CTNNA2: variants seen among roughly 807,000 people sequenced by gnomAD.
The protein encoded by CTNNA2 is catenin alpha 2.
Under a neutral mutation model 101.0 loss-of-function variants are expected in CTNNA2, and 42 were observed. That is an observed-to-expected ratio of 0.42 (90% confidence interval 0.32 to 0.54). The LOEUF is 0.54. CTNNA2 is among the 20% of genes least tolerant of loss of function. CTNNA2 has a pLI of 0.14. For synonymous variants in CTNNA2, 450 were observed against 456.4 expected, an observed-to-expected ratio of 0.99 and a Z score of 0.18; for missense variants, 871 against 1,223.1, an observed-to-expected ratio of 0.71 and a Z score of 4.29.
At chr2:80,002,648 AG>A (rs1467648780) in intron 7 of CTNNA2, among the ~76,000 whole-genome samples, 1 of 152,112 alleles carries the variant, frequency 6.6e-6, no homozygotes, top group Non-Finnish European at 1.5e-5. Flanking sequence ...CACTAGGAAC[AG>A]GGAAACCTAA....
intron 3 of CTNNA2, among the ~76,000 whole-genome samples, chr2:79,808,119 T>A (rs1676722137): frequency 6.6e-6 from 1 of 152,200 alleles, no homozygotes; most frequent in South Asian, 2.1e-4. Context: ...TTAAAGTATT[T>A]CAGAACACTT....
chr2:80,384,675 A>C (rs954472672), intron 7 of CTNNA2, among the ~76,000 whole-genome samples: 2 of 151,720 alleles, frequency 1.3e-5, no homozygotes, highest in Admixed American at 1.3e-4. Context: ...GTGGTTTCTC[A>C]AGGTTAGTAA....
At chr2:79,851,588 A>T (rs948702640) in intron 3 of CTNNA2, among the ~76,000 whole-genome samples, 2 of 151,988 alleles carry the variant, frequency 1.3e-5, no homozygotes, top group Non-Finnish European at 2.9e-5. Context: ...ATCCTTTAAG[A>T]TCTGTACTTC....
At chr2:79,466,984 A>C in intron 4 of CTNNA2, among the ~76,000 whole-genome samples, 1 of 152,372 alleles carries the variant, frequency 6.6e-6, no homozygotes, top group Middle Eastern at 3.4e-3. Context: ...CCCCCTCCAA[A>C]GGAATGCAGC....
intron 9 of CTNNA2, among the ~76,000 whole-genome samples, chr2:80,511,342 A>G (rs1688687489): frequency 6.6e-6 from 1 of 152,214 alleles, no homozygotes; most frequent in South Asian, 2.1e-4. Context: ...GCCTTTATCC[A>G]AAACAACTGT....
intron 7 of CTNNA2, among the ~76,000 whole-genome samples, chr2:80,112,745 G>T (rs749044790): frequency 6.6e-6 from 1 of 151,952 alleles, no homozygotes; most frequent in Non-Finnish European, 1.5e-5. Context: ...GCATTTTTGC[G>T]CACCCTATTC....
intron 1 of CTNNA2, among the ~76,000 whole-genome samples, chr2:79,563,177 ATATATATATATT>A (rs1422828225): frequency 1.1e-5 from 1 of 93,860 alleles, no homozygotes; most frequent in African/African-American, 3.3e-5. Context: ...ATATATATAT[ATATATATATATT>A]TTCCTTCATT....
At chr2:80,616,966 A>G (rs1270284458) in intron 17 of CTNNA2, among the ~76,000 whole-genome samples, 2 of 151,766 alleles carry the variant, frequency 1.3e-5, no homozygotes, top group East Asian at 3.9e-4. Flanking sequence ...CAAAGAGACA[A>G]TAGGCAATTA....
intron 1 of CTNNA2, among the ~76,000 whole-genome samples, chr2:79,608,884 ATTG>A (rs1678079990): frequency 6.6e-6 from 1 of 151,944 alleles, no homozygotes; most frequent in South Asian, 2.1e-4. Flanking sequence ...TTTATTCAGT[ATTG>A]TTCTGGAGGA....
chr2:80,222,880 A>G (rs1045431049), intron 7 of CTNNA2, among the ~76,000 whole-genome samples: 11 of 152,186 alleles, frequency 7.2e-5, no homozygotes, highest in African/African-American at 2.7e-4. Flanking sequence ...AATAAATGTT[A>G]AAGTCCTGAA....
intron 3 of CTNNA2, among the ~76,000 whole-genome samples, chr2:79,804,877 C>A (rs1676448049): frequency 6.6e-6 from 1 of 152,114 alleles, no homozygotes; most frequent in Non-Finnish European, 1.5e-5. Context: ...TTAAAAGTCT[C>A]AGTTCTGAGT....
At chr2:80,234,954 T>A (rs1365871868) in intron 7 of CTNNA2, among the ~76,000 whole-genome samples, 3 of 152,160 alleles carry the variant, frequency 2.0e-5, no homozygotes, top group Non-Finnish European at 2.9e-5. Context: ...AAATATTTAC[T>A]TACCAAAGAA....
At chr2:80,456,118 T>G (rs1047990825) in intron 9 of CTNNA2, among the ~76,000 whole-genome samples, 2 of 152,186 alleles carry the variant, frequency 1.3e-5, no homozygotes, top group Non-Finnish European at 1.5e-5. Flanking sequence ...TGGAGCCGGA[T>G]GTGGGATGTG....
At chr2:79,981,286 C>T (rs530900171) in intron 7 of CTNNA2, among the ~76,000 whole-genome samples, 8 of 152,050 alleles carry the variant, frequency 5.3e-5, no homozygotes, top group Non-Finnish European at 8.8e-5. Flanking sequence ...AATAAAATGT[C>T]CATAGCTACA....
At chr2:80,353,103 C>T (rs922880596) in intron 7 of CTNNA2, among the ~76,000 whole-genome samples, 4 of 152,086 alleles carry the variant, frequency 2.6e-5, no homozygotes, top group Non-Finnish European at 5.9e-5. Flanking sequence ...CCAAAATGCT[C>T]AGGTCCTAGA....
chr2:79,200,532 T>C (rs1389391430), intron 2 of CTNNA2, among the ~76,000 whole-genome samples: 1 of 152,176 alleles, frequency 6.6e-6, no homozygotes, highest in Non-Finnish European at 1.5e-5. Flanking sequence ...TGGCACCTTC[T>C]CCATTTTCTG....
intron 1 of CTNNA2, among the ~76,000 whole-genome samples, chr2:79,645,701 A>G (rs1268441458): frequency 6.6e-6 from 1 of 152,232 alleles, no homozygotes; most frequent in Non-Finnish European, 1.5e-5. Context: ...CAACATTGCA[A>G]AGAAGAAAAA....
At chr2:79,498,865 T>C (rs1671287382) in intron 4 of CTNNA2, 1 of 152,188 alleles carries the variant, frequency 6.6e-6, no homozygotes, top group Non-Finnish European at 1.5e-5. Flanking sequence ...CACATTAGTG[T>C]ATTTGAAATA....
Position 79,218,311 on chromosome 2 carries a change from TTGTGTGTGTG to T in CTNNA2, c.-406+20265_-406+20274del, listed in dbSNP as rs60680995. On this transcript the variant is annotated intron_variant, in intron 2 of 21. Transcript: ENST00000466387. ...CCAGGCACCAGAATCTTCATGAACT[TTGTGTGTGTG>T]TGTGTGTGTGTGTGTGTGTGTGTGT... Among the ~76,000 whole-genome samples the T allele has an allele frequency of 1.7e-4, 19 of 114,754 alleles. No individual in the cohort carries two copies. The South Asian group carries it at 2.1e-3, about 12-fold the overall frequency. The allele number at this position is 114,754 out of a possible 152,430, so 75.3% of individuals were successfully genotyped here. A position where few individuals can be genotyped will look rare whatever the true frequency, so the allele number is the denominator to read the frequency against.
Sources: allele counts gnomAD v4.1 joint callset (sites outside exome capture counted in the v4.1 genomes callset), GRCh38; gene constraint gnomAD v4.1.1; transcripts MANE v1.5; gene names NCBI Gene and HGNC (gene_info 2026-07-23, HGNC 2026-07-21).